Variants in PARN observed in about 807,000 individuals in gnomAD.
PARN encodes poly(A)-specific ribonuclease PARN.
A neutral mutation model predicts 102.8 loss-of-function variants in PARN; 71 were observed. The observed-to-expected ratio is 0.69, with a 90% confidence interval of 0.57 to 0.84. The LOEUF is 0.84. PARN is among the 40% of genes least tolerant of loss of function. The pLI, the probability that PARN is intolerant of heterozygous loss-of-function variation, is 0.00. For missense variants in PARN, 782 were observed against 760.9 expected (o/e 1.03, Z -0.33); for synonymous variants, 261 against 252.9 (o/e 1.03, Z -0.30).
intron 21 of PARN, among the ~76,000 whole-genome samples, chr16:14,530,216 C>T (rs2151667387): frequency 6.6e-6 from 1 of 152,260 alleles, no homozygotes; most frequent in East Asian, 1.9e-4. Context: ...CCTGTGGAGA[C>T]CACAGGGTGA....
chr16:14,566,530 C>T (rs912132066), intron 18 of PARN, among the ~76,000 whole-genome samples: 1 of 152,180 alleles, frequency 6.6e-6, no homozygotes, highest in Non-Finnish European at 1.5e-5. Flanking sequence ...GATGTATTCA[C>T]CTAAAACACT....
At chr16:14,521,615 A>G (rs933374398) in intron 21 of PARN, among the ~76,000 whole-genome samples, 17 of 152,180 alleles carry the variant, frequency 1.1e-4, no homozygotes, top group African/African-American at 4.8e-5. Flanking sequence ...CCTGACCAAC[A>G]TGAAGAAATC....
chr16:14,471,817 C>T (rs1369503350), intron 22 of PARN, among the ~76,000 whole-genome samples: 1 of 152,154 alleles, frequency 6.6e-6, no homozygotes, highest in African/African-American at 2.4e-5. Flanking sequence ...GCTTTTATAG[C>T]TAAGGAGCAG....
chr16:14,558,388 C>T (rs1319439571), intron 18 of PARN: 1 of 152,112 alleles, frequency 6.6e-6, no homozygotes, highest in Non-Finnish European at 1.5e-5. Context: ...ATCCCAGCTA[C>T]TTGGGAGGCC....
chr16:14,489,106 G>C (rs1420407816), intron 21 of PARN, among the ~76,000 whole-genome samples: 1 of 152,228 alleles, frequency 6.6e-6, no homozygotes, highest in East Asian at 1.9e-4. Flanking sequence ...TACACACATG[G>C]CGGGGGTGTG....
intron 2 of PARN, 83 bp downstream of exon 2, chr16:14,629,514 A>T: frequency 2.0e-6 from 2 of 1,003,504 alleles, no homozygotes; most frequent in South Asian, 1.3e-5. Flanking sequence ...ACCACCAAGC[A>T]TAAGAAGTTG....
At position 14,630,234 on chromosome 16, in the gene PARN, G is replaced by A. The variant is rs932981140; in HGVS notation, c.-109C>T. On this transcript the variant is annotated 5_prime_UTR_variant, in exon 1 of 24. Coordinates refer to ENST00000437198, the MANE Select transcript of PARN (RefSeq NM_002582.4). ...GGCAGTAGCTGAGGCAGCCGCAGCG[G>A]TGACGCCGGCCGCGACTTCCGGAAA... The A allele has an allele frequency of 5.1e-6, 5 of 978,852 alleles. No individual in the cohort carries two copies. Among genetic ancestry groups the A allele is most frequent in the East Asian group, 2.8e-5 (1 of 35,132 alleles). 60.6% of individuals were successfully genotyped at this position (978,852 alleles called of 1,614,324 possible).
chr16:14,574,883 G>A (rs1322098412), intron 18 of PARN, among the ~76,000 whole-genome samples: 2 of 152,122 alleles, frequency 1.3e-5, no homozygotes, highest in African/African-American at 4.8e-5. Context: ...AGGAAAAAAT[G>A]GTTTCACAGG....
intron 18 of PARN, among the ~76,000 whole-genome samples, chr16:14,571,692 G>A (rs1968823928): frequency 6.6e-6 from 1 of 151,918 alleles, no homozygotes; most frequent in African/African-American, 2.4e-5. Context: ...GAAGTTAACT[G>A]AGGCCTATGA....
chr16:14,555,518 C>T (rs1263610346), intron 19 of PARN, 136 bp downstream of exon 19: 1 of 456,690 alleles, frequency 2.2e-6, no homozygotes, highest in African/African-American at 2.0e-5. Context: ...CTTAAGCATA[C>T]TATTCATATC....
In PARN at chr16:14,447,063, T is replaced by G. The variant is rs774710226; in HGVS notation, c.1689A>C (p.Thr563=). 9 of 1,612,998 alleles carry G rather than the reference T, an allele frequency of 5.6e-6. No individual in the cohort carries two copies. The African/African-American group carries it at 9.3e-5, about 17-fold the overall frequency. Residue 563 remains threonine (T), a synonymous_variant, in exon 23 of 24, where the codon ACA becomes ACC. Coordinates refer to ENST00000437198, the MANE Select transcript of PARN (RefSeq NM_002582.4). ...TAGGACTCAAATTTCTCTTTCCTAC[T>G]GTGCTGGGAGCTGTAAAACTGAAAT... ...YRNNSFTAPS[T]VGKRNLSPSQ...
chr16:14,580,701 T>C (rs1039862666), intron 18 of PARN, among the ~76,000 whole-genome samples, 173 bp downstream of exon 18: 1 of 152,168 alleles, frequency 6.6e-6, no homozygotes, highest in African/African-American at 2.4e-5. Context: ...TTTAATACAT[T>C]TGTTCCCCAA....
chr16:14,471,465 T>C (rs1962735787), intron 22 of PARN, among the ~76,000 whole-genome samples: 2 of 152,220 alleles, frequency 1.3e-5, no homozygotes, highest in Admixed American at 6.5e-5. Flanking sequence ...AAAGGTTTCA[T>C]GTAAAATTCT....
At chr16:14,467,941 G>C (rs903335054) in intron 22 of PARN, among the ~76,000 whole-genome samples, 6 of 152,184 alleles carry the variant, frequency 3.9e-5, no homozygotes, top group African/African-American at 1.4e-4. Flanking sequence ...TTATTTAAAC[G>C]TTTTTCCAAG....
chr16:14,472,640 A>G (rs1186430089), intron 22 of PARN, among the ~76,000 whole-genome samples: 1 of 152,252 alleles, frequency 6.6e-6, no homozygotes, highest in Admixed American at 6.5e-5. Context: ...ACCTGCCAAA[A>G]GCAAATCAAT....
intron 3 of PARN, among the ~76,000 whole-genome samples, chr16:14,627,647 A>G (rs1972760354): frequency 6.6e-6 from 1 of 152,158 alleles, no homozygotes; most frequent in South Asian, 2.1e-4. Context: ...TTTCCCCAAA[A>G]TATTTTCCAG....
intron 11 of PARN, 82 bp downstream of exon 11, chr16:14,604,064 C>T: frequency 1.2e-6 from 1 of 857,628 alleles, no homozygotes; most frequent in Non-Finnish European, 1.9e-6. Flanking sequence ...TTGAATCCAA[C>T]ATATGATCTG....
At chr16:14,537,169 G>T (rs1966643727) in intron 21 of PARN, among the ~76,000 whole-genome samples, 1 of 152,030 alleles carries the variant, frequency 6.6e-6, no homozygotes, top group South Asian at 2.1e-4. Context: ...CATACAAATG[G>T]CAACAAACAT....
At chr16:14,619,812 C>T (rs893242347) in intron 5 of PARN, among the ~76,000 whole-genome samples, 8 of 152,050 alleles carry the variant, frequency 5.3e-5, no homozygotes, top group African/African-American at 1.9e-4. Context: ...TGGCTCATGC[C>T]TGTAATCCCA....
Sources: gnomAD v4.1 joint callset for allele counts (sites outside exome capture counted in the v4.1 genomes callset) on GRCh38, gnomAD v4.1.1 for gene constraint, MANE v1.5 for transcripts, NCBI Gene and HGNC (gene_info 2026-07-23, HGNC 2026-07-21) for gene names.